MTMR3: variants seen among roughly 807,000 people sequenced by gnomAD.
MTMR3 encodes the protein phosphatidylinositol-3,5-bisphosphate 3-phosphatase MTMR3.
In MTMR3, 32 loss-of-function variants were observed where a neutral mutation model predicts 132.4. That is an observed-to-expected ratio of 0.24 (90% CI 0.18 to 0.32). The LOEUF (loss-of-function observed/expected upper bound fraction) is 0.32, where lower values mean the gene tolerates loss of function less well. MTMR3 is among the 10% of genes least tolerant of loss of function. The pLI, the probability that MTMR3 is intolerant of heterozygous loss-of-function variation, is 1.00. For synonymous variants in MTMR3, 556 were observed against 550.3 expected, an observed-to-expected ratio of 1.01 and a Z score of -0.14; for missense variants, 1,216 against 1,489.6, an observed-to-expected ratio of 0.82 and a Z score of 3.02.
intron 1 of MTMR3, among the ~76,000 whole-genome samples, chr22:29,906,387 A>G (rs980150182): frequency 6.6e-6 from 1 of 151,952 alleles, no homozygotes; most frequent in Non-Finnish European, 1.5e-5. Flanking sequence ...GCTGGAGTGC[A>G]GTGGTGCGAT....
chr22:29,971,094 A>C (rs372176071), intron 3 of MTMR3, 32 bp downstream of exon 3: 200 of 1,584,024 alleles, frequency 1.3e-4, no homozygotes, highest in East Asian at 4.0e-4. Flanking sequence ...TAAAAAAAAA[A>C]ACAAAAAACC....
chr22:29,955,039 G>C (rs1011394383), intron 1 of MTMR3, among the ~76,000 whole-genome samples: 5 of 152,144 alleles, frequency 3.3e-5, no homozygotes, highest in African/African-American at 1.2e-4. Context: ...GGCCAGGCTG[G>C]AGTGCAGTGG....
chr22:29,927,505 A>AATT (rs1420522045), intron 1 of MTMR3, among the ~76,000 whole-genome samples: 2 of 152,186 alleles, frequency 1.3e-5, no homozygotes, highest in Non-Finnish European at 1.5e-5. Context: ...GGTGGTCTTT[A>AATT]ATTTTTTTCA....
At chr22:29,967,961 T>A (rs2066462046) in intron 2 of MTMR3, among the ~76,000 whole-genome samples, 1 of 152,076 alleles carries the variant, frequency 6.6e-6, no homozygotes, top group Non-Finnish European at 1.5e-5. Context: ...TTTGTTTGTT[T>A]ATCCATTCAC....
rs766784267 is a variant in MTMR3, at chr22:30,022,045, C to T, written c.3242C>T (p.Ser1081Leu). The change falls in exon 18 of 20, where the codon TCG becomes TTG. Residue 1081 changes from serine to leucine, a missense_variant. Ser to Leu is a moderately radical substitution (Grantham distance 145). Transcript: ENST00000401950. ...TGCCAACAGACTTCAATCCCCGACTCGGAAAGCAATCTGGATCAGAACTGT... is the reference window on the plus strand; with the variant it reads ...TGCCAACAGACTTCAATCCCCGACTTGGAAAGCAATCTGGATCAGAACTGT... The part of the protein sequence containing the change: ...FGDEVTSIPD[S>L]ESNLDQNCLS... 1.6e-5 allele frequency: 26 copies of T among 1,613,998 alleles called. No individual in the cohort carries two copies. Among genetic ancestry groups the T allele is most frequent in the Non-Finnish European group, 2.1e-5 (25 of 1,179,974 alleles).
intron 1 of MTMR3, among the ~76,000 whole-genome samples, chr22:29,888,795 A>G (rs1027942451): frequency 1.7e-5 from 2 of 120,008 alleles, no homozygotes; most frequent in African/African-American, 3.2e-5. Flanking sequence ...TTTTTTTGAG[A>G]CAGAGTCTCG....
At chr22:29,959,059 A>G (rs1441724691) in intron 2 of MTMR3, among the ~76,000 whole-genome samples, 1 of 152,198 alleles carries the variant, frequency 6.6e-6, no homozygotes, top group South Asian at 2.1e-4. Flanking sequence ...CTTTGCAAGT[A>G]TAAGTTTTAG....
At chr22:29,920,084 C>T (rs925368359) in intron 1 of MTMR3, among the ~76,000 whole-genome samples, 1 of 151,600 alleles carries the variant, frequency 6.6e-6, no homozygotes, top group Non-Finnish European at 1.5e-5. Flanking sequence ...CATGTTGGCA[C>T]GTGCCTGTAG....
intron 1 of MTMR3, among the ~76,000 whole-genome samples, chr22:29,940,948 G>C (rs2065845443): frequency 6.7e-6 from 1 of 149,960 alleles, no homozygotes; most frequent in Admixed American, 6.6e-5. Context: ...TGGGAGATTA[G>C]TGCATATGAT....
intron 5 of MTMR3, 101 bp from the exon 6 acceptor site, chr22:29,988,379 T>C (rs1164501278): frequency 3.9e-6 from 3 of 775,792 alleles, no homozygotes; most frequent in Non-Finnish European, 6.0e-6. Context: ...TTTTGTTGCT[T>C]TCCCTTATAG....
chr22:30,012,815 T>G, intron 13 of MTMR3: 1 of 348,512 alleles, frequency 2.9e-6, no homozygotes, highest in African/African-American at 2.1e-5. Flanking sequence ...TCTATCTACT[T>G]GTAAAAGTTT....
At chr22:29,904,222 T>G (rs947536353) in intron 1 of MTMR3, among the ~76,000 whole-genome samples, 23 of 152,250 alleles carry the variant, frequency 1.5e-4, no homozygotes, top group Non-Finnish European at 2.8e-4. Flanking sequence ...TTTAATTAGC[T>G]TTATCAGTTG....
intron 1 of MTMR3, among the ~76,000 whole-genome samples, chr22:29,949,509 C>CCCAA (rs1555902916): frequency 4.0e-5 from 5 of 124,582 alleles, no homozygotes; most frequent in African/African-American, 1.6e-4. Context: ...CGCCCCCCCC[C>CCCAA]AAAAAAAAAA....
chr22:29,992,465 G>A (rs1362092708), intron 7 of MTMR3: 1 of 151,924 alleles, frequency 6.6e-6, no homozygotes, highest in Non-Finnish European at 1.5e-5. Context: ...CTCCTCTATA[G>A]TCTTTGTCCC....
intron 1 of MTMR3, among the ~76,000 whole-genome samples, chr22:29,902,067 A>T (rs1201798894): frequency 6.6e-6 from 1 of 152,208 alleles, no homozygotes; most frequent in Admixed American, 6.5e-5. Flanking sequence ...GTTTAAAAAA[A>T]TATGGTGCCT....
intron 1 of MTMR3, among the ~76,000 whole-genome samples, chr22:29,919,107 C>G (rs2065361283): frequency 6.6e-6 from 1 of 152,164 alleles, no homozygotes; most frequent in African/African-American, 2.4e-5. Flanking sequence ...AATTATCACT[C>G]ATAATGTTTT....
intron 1 of MTMR3, among the ~76,000 whole-genome samples, chr22:29,903,453 G>GT (rs2065039471): frequency 7.1e-6 from 1 of 141,722 alleles, no homozygotes; most frequent in Non-Finnish European, 1.5e-5. Context: ...CAGTGGTGCA[G>GT]TCATGGCTCA....
chr22:30,011,154 C>G (rs1472507923), intron 12 of MTMR3: 3 of 152,132 alleles, frequency 2.0e-5, no homozygotes, highest in Non-Finnish European at 4.4e-5. Context: ...TCCCACAGTC[C>G]CCTGACAGAA....
rs1321251559 is a variant in MTMR3, at chr22:29,883,238, G to C, written c.-259G>C. On this transcript the variant is annotated 5_prime_UTR_variant, in exon 1 of 20. Coordinates refer to ENST00000401950, the MANE Select transcript of MTMR3 (RefSeq NM_021090.4). ...AGAAGGCGGCGGCGGCGGCGGAGTA[G>C]CAGCCGGACGAGACGTCCCAGCGGC... 1 of 153,320 alleles carries C rather than the reference G, an allele frequency of 6.5e-6. No homozygotes were observed. Among genetic ancestry groups the C allele is most frequent in the East Asian group, 1.9e-4 (1 of 5,198 alleles). The allele number at this position is 153,320 out of a possible 1,614,324, so 9.5% of individuals were successfully genotyped here. A position where few individuals can be genotyped will look rare whatever the true frequency, so the allele number is the denominator to read the frequency against.
Sources: gnomAD v4.1 joint callset for allele counts (sites outside exome capture counted in the v4.1 genomes callset) on GRCh38, gnomAD v4.1.1 for gene constraint, MANE v1.5 for transcripts, NCBI Gene and HGNC (gene_info 2026-07-23, HGNC 2026-07-21) for gene names.